The following NEDD4 variants were observed in gnomAD, a reference collection of about 807,000 sequenced individuals.
The protein encoded by NEDD4 is E3 ubiquitin-protein ligase NEDD4.
In NEDD4, 99 loss-of-function variants were observed where a neutral mutation model predicts 144.9. The ratio of observed to expected loss-of-function variants is 0.68; its 90% confidence interval spans 0.58 to 0.81. The LOEUF (loss-of-function observed/expected upper bound fraction) is 0.81. NEDD4 is among the 30% of genes least tolerant of loss of function. The pLI, the probability that NEDD4 is intolerant of heterozygous loss-of-function variation, is 0.00. For missense variants in NEDD4, 985 were observed against 1,065.9 expected, an observed-to-expected ratio of 0.92 and a Z score of 1.06; for synonymous variants, 318 against 350.6, an observed-to-expected ratio of 0.91 and a Z score of 1.04.
chr15:55,872,027 T>G (rs564194078), intron 7 of NEDD4, among the ~76,000 whole-genome samples: 1 of 152,286 alleles, frequency 6.6e-6, no homozygotes, highest in South Asian at 2.1e-4. Context: ...ATACTAAGTA[T>G]GCAAAATATA....
rs137961192 is a variant in NEDD4 at position 55,885,439 on chromosome 15, C to G, written c.292-11431G>C. ...CTGTAATTGTGGTGTGCTAACTACT[C>G]ATATGTTAAGTAGAAAGACTAAAAG... On this transcript the variant is annotated intron_variant, in intron 5 of 28. Coordinates refer to ENST00000435532, the MANE Select transcript of NEDD4 (RefSeq NM_006154.4). 1.6e-4 allele frequency among the ~76,000 whole-genome samples: 25 copies of G among 152,094 alleles called. No individual in the cohort carries two copies. The East Asian group carries it at 4.8e-3, about 29-fold the overall frequency.
chr15:55,973,311 G>A (rs533349207), intron 1 of NEDD4, among the ~76,000 whole-genome samples: 32 of 152,276 alleles, frequency 2.1e-4, no homozygotes, highest in Admixed American at 1.5e-3. Context: ...CGCCAAGATG[G>A]GAGGACTTCT....
intron 1 of NEDD4, among the ~76,000 whole-genome samples, chr15:55,985,580 A>G (rs2037877204): frequency 6.6e-6 from 1 of 152,242 alleles, no homozygotes; most frequent in Admixed American, 6.5e-5. Flanking sequence ...TAAGGATAAT[A>G]AAAGTCAAAT....
At chr15:55,922,635 T>C (rs1259112898) in intron 5 of NEDD4, among the ~76,000 whole-genome samples, 4 of 152,200 alleles carry the variant, frequency 2.6e-5, no homozygotes, top group Non-Finnish European at 4.4e-5. Context: ...AGTGCTGGGA[T>C]TACAGGCATA....
intron 2 of NEDD4, among the ~76,000 whole-genome samples, chr15:55,953,631 G>A (rs1231955002): frequency 2.0e-5 from 3 of 151,248 alleles, no homozygotes; most frequent in African/African-American, 7.3e-5. Context: ...TAGTAGAGAC[G>A]CGGTTTTGCC....
intron 13 of NEDD4, among the ~76,000 whole-genome samples, chr15:55,851,220 C>T (rs748245247): frequency 2.0e-4 from 31 of 151,974 alleles, no homozygotes; most frequent in Non-Finnish European, 4.3e-4. Context: ...AAATATCTAC[C>T]ACAGAAATGG....
rs1379705011 is a variant in NEDD4 at position 55,916,033 on chromosome 15, C to T, written c.291+8613G>A. On this transcript the variant is annotated intron_variant, in intron 5 of 28. Coordinates refer to ENST00000435532, the MANE Select transcript of NEDD4 (RefSeq NM_006154.4). Reference sequence around the variant, plus strand: ...GTTGAAGGACTCCTAGGAAAAATGACTAAGGAGGAGTAACGTTTTAGTGGA... The same window carrying T: ...GTTGAAGGACTCCTAGGAAAAATGATTAAGGAGGAGTAACGTTTTAGTGGA... 6 of 1,613,878 alleles carry T rather than the reference C, an allele frequency of 3.7e-6. No individual in the cohort carries two copies. In the East Asian group the frequency reaches 1.1e-4, roughly 30 times the overall value.
chr15:55,970,628 G>C (rs555324854), intron 1 of NEDD4, among the ~76,000 whole-genome samples: 1 of 152,310 alleles, frequency 6.6e-6, no homozygotes, highest in East Asian at 1.9e-4. Context: ...GAGAACAAGA[G>C]TCTCTGCCTG....
chr15:55,881,885 G>C (rs1053950080), intron 5 of NEDD4, among the ~76,000 whole-genome samples: 3 of 152,124 alleles, frequency 2.0e-5, no homozygotes, highest in East Asian at 1.9e-4. Flanking sequence ...TGCATTGAAG[G>C]ATATTTACCA....
chr15:55,834,827 G>A (rs1271229762), intron 24 of NEDD4, among the ~76,000 whole-genome samples: 1 of 152,068 alleles, frequency 6.6e-6, no homozygotes, highest in African/African-American at 2.4e-5. Context: ...AGTTCTATTT[G>A]AGGGAAAAGA....
At chr15:55,933,294 T>C (rs529795998) in intron 4 of NEDD4, among the ~76,000 whole-genome samples, 129 of 152,116 alleles carry the variant, frequency 8.5e-4, no homozygotes, top group Middle Eastern at 3.4e-3. Context: ...TGTCCATCAA[T>C]GATAGACTGG....
At chr15:55,876,944 A>G (rs868064867) in intron 5 of NEDD4, among the ~76,000 whole-genome samples, 2 of 150,786 alleles carry the variant, frequency 1.3e-5, no homozygotes, top group Non-Finnish European at 2.9e-5. Flanking sequence ...GGCTCAAGCG[A>G]GTCTCCTGCC....
rs775916619 is a variant in NEDD4 at position 55,856,170 on chromosome 15, T to G, written c.987A>C (p.Leu329Phe). ...SSNHSSRRGS[L>F]QAYTFEEQPT... is the part of the protein sequence containing the mutation. ...GTTGTTCCTCAAAAGTATAGGCTTGTAAGCTGCCTCTTCTGCTGGAATGAT... is the reference window on the plus strand; with the variant it reads ...GTTGTTCCTCAAAAGTATAGGCTTGGAAGCTGCCTCTTCTGCTGGAATGAT... The change falls in exon 12 of 29, where the codon TTA (leucine) becomes TTC (phenylalanine). Residue 329 changes from leucine (L) to phenylalanine (F), a missense_variant. Physicochemically the swap from Leu to Phe is conservative, Grantham distance 22 (BLOSUM62 0). Transcript: ENST00000435532. 1.3e-5 allele frequency: 21 copies of G among 1,611,966 alleles called. No individual in the cohort carries two copies. Among genetic ancestry groups the G allele is most frequent in the Non-Finnish European group, 1.8e-5 (21 of 1,179,432 alleles).
intron 2 of NEDD4, among the ~76,000 whole-genome samples, chr15:55,961,094 G>C (rs529465805): frequency 6.6e-6 from 1 of 152,170 alleles, no homozygotes; most frequent in Non-Finnish European, 1.5e-5. Flanking sequence ...GAACAAACTG[G>C]ACACAGACAA....
intron 5 of NEDD4, among the ~76,000 whole-genome samples, chr15:55,912,995 A>T (rs1490089832): frequency 6.6e-6 from 1 of 152,120 alleles, no homozygotes; most frequent in Non-Finnish European, 1.5e-5. Context: ...CATTAGATTT[A>T]AAAAATCAGT....
At chr15:55,971,236 T>A (rs1265034226) in intron 1 of NEDD4, among the ~76,000 whole-genome samples, 1 of 152,042 alleles carries the variant, frequency 6.6e-6, no homozygotes, top group Non-Finnish European at 1.5e-5. Context: ...ATAGGTTATT[T>A]GAAAATATAC....
At chr15:55,984,664 TA>T (rs1243838624) in intron 1 of NEDD4, among the ~76,000 whole-genome samples, 1 of 152,228 alleles carries the variant, frequency 6.6e-6, no homozygotes, top group Non-Finnish European at 1.5e-5. Context: ...GCTACAGACA[TA>T]TTTACTCAAC....
chr15:55,862,171 A>G (rs1305398718), intron 9 of NEDD4, among the ~76,000 whole-genome samples: 2 of 152,280 alleles, frequency 1.3e-5, no homozygotes, highest in African/African-American at 2.4e-5. Flanking sequence ...AATATCTGTA[A>G]AAGTGCTTGG....
intron 8 of NEDD4, among the ~76,000 whole-genome samples, chr15:55,866,814 A>G (rs1423936135): frequency 6.6e-6 from 1 of 152,232 alleles, no homozygotes; most frequent in African/African-American, 2.4e-5. Flanking sequence ...GCTTAGAAAG[A>G]CTGGATACAA....
Sources: allele counts gnomAD v4.1 joint callset (sites outside exome capture counted in the v4.1 genomes callset), GRCh38; gene constraint gnomAD v4.1.1; transcripts MANE v1.5; gene names NCBI Gene and HGNC (gene_info 2026-07-23, HGNC 2026-07-21).